Variants in STIM1 observed in about 807,000 individuals in gnomAD.
STIM1 encodes the protein stromal interaction molecule 1.
Under a neutral mutation model 74.7 loss-of-function variants are expected in STIM1, and 25 were observed. That is an observed-to-expected ratio of 0.33 (90% CI 0.24 to 0.47). The LOEUF is 0.47. Ranked by LOEUF, STIM1 falls within the 20% of genes least tolerant of loss-of-function variation. STIM1 has a pLI of 1.00. For missense variants in STIM1, 728 were observed against 920.8 expected (o/e 0.79, Z 2.71); for synonymous variants, 328 against 348.8 (o/e 0.94, Z 0.66).
chr11:4,005,232 G>A (rs188339997), intron 2 of STIM1, among the ~76,000 whole-genome samples: 3 of 152,212 alleles, frequency 2.0e-5, no homozygotes, highest in Admixed American at 1.3e-4. Context: ...CCCATTACTA[G>A]GTATACACCC....
chr11:3,905,952 G>A (rs754991474), intron 1 of STIM1, among the ~76,000 whole-genome samples: 7 of 152,196 alleles, frequency 4.6e-5, no homozygotes, highest in Non-Finnish European at 1.0e-4. Context: ...GATGAGGGAG[G>A]AGGGTCTTGG....
chr11:3,942,234 C>T (rs2093020099), intron 1 of STIM1, among the ~76,000 whole-genome samples: 1 of 152,144 alleles, frequency 6.6e-6, no homozygotes, highest in African/African-American at 2.4e-5. Context: ...TCAACCTGGT[C>T]TGTCTACTCC....
chr11:4,074,819 A>G lies in STIM1; in HGVS notation c.969+140A>G, dbSNP rs2094428297. Reference sequence around the variant, plus strand: ...GTTCTAGAGTCACTGGACTCTTACCAACAATAAGAGTTCAAGTTGTAAAAA... The same window carrying G: ...GTTCTAGAGTCACTGGACTCTTACCGACAATAAGAGTTCAAGTTGTAAAAA... On this transcript the variant is annotated intron_variant, in intron 7 of 12. Coordinates refer to ENST00000526596, the MANE Select transcript of STIM1 (RefSeq NM_001382567.1). 5 of 972,330 alleles carry G rather than the reference A, an allele frequency of 5.1e-6. No individual in the cohort carries two copies. In the Admixed American group the frequency reaches 1.3e-4, roughly 24 times the overall value. 60.2% of individuals were successfully genotyped at this position (972,330 alleles called of 1,614,324 possible).
rs1214379786 is a variant in STIM1, at chr11:3,855,912, C to G, written c.-359C>G. The stretch of plus-strand genomic sequence containing the variant: ...CTTCTCTTCTCTTCTCTTCCTCCTC[C>G]ACTTCTGTGCCCGCGGAGACTCCGG... On this transcript the variant is annotated 5_prime_UTR_variant, in exon 1 of 13. Coordinates refer to ENST00000526596, the MANE Select transcript of STIM1 (RefSeq NM_001382567.1). The G allele has an allele frequency of 1.6e-5, 5 of 316,108 alleles. No individual in the cohort carries two copies. In the East Asian group the frequency reaches 3.9e-4, roughly 25 times the overall value. The allele number at this position is 316,108 out of a possible 1,614,324, so 19.6% of individuals were successfully genotyped here. A position where few individuals can be genotyped will look rare whatever the true frequency, so the allele number is the denominator to read the frequency against.
chr11:3,999,472 T>C (rs945712705), intron 2 of STIM1: 2 of 152,238 alleles, frequency 1.3e-5, no homozygotes, highest in Non-Finnish European at 2.9e-5. Context: ...TAAAAGACCT[T>C]GAATGCCAGG....
chr11:4,042,109 T>G (rs1652540617), intron 3 of STIM1, among the ~76,000 whole-genome samples: 1 of 152,196 alleles, frequency 6.6e-6, no homozygotes, highest in Admixed American at 6.5e-5. Context: ...GATTCGGGAA[T>G]CCATTTACTA....
At chr11:3,915,137 C>A (rs941615172) in intron 1 of STIM1, among the ~76,000 whole-genome samples, 15 of 152,096 alleles carry the variant, frequency 9.9e-5, no homozygotes, top group Admixed American at 6.5e-4. Flanking sequence ...ATGAAAATTC[C>A]TTATATATTC....
intron 2 of STIM1, among the ~76,000 whole-genome samples, chr11:3,998,799 A>G (rs2093685295): frequency 6.6e-6 from 1 of 152,206 alleles, no homozygotes; most frequent in Non-Finnish European, 1.5e-5. Context: ...AAAGAGTGGG[A>G]GAAAGCATTT....
intron 1 of STIM1, among the ~76,000 whole-genome samples, chr11:3,892,074 C>A (rs1440503867): frequency 1.3e-5 from 2 of 152,238 alleles, no homozygotes; most frequent in African/African-American, 4.8e-5. Context: ...AGACAAAGAC[C>A]TTGATTTCAG....
At chr11:3,911,049 C>T (rs2092554705) in intron 1 of STIM1, among the ~76,000 whole-genome samples, 1 of 152,106 alleles carries the variant, frequency 6.6e-6, no homozygotes, top group Non-Finnish European at 1.5e-5. Context: ...CTGCTGGAGT[C>T]TGTGGGATTT....
At chr11:3,859,187 T>A (rs1380468267) in intron 1 of STIM1, among the ~76,000 whole-genome samples, 1 of 152,176 alleles carries the variant, frequency 6.6e-6, no homozygotes, top group Non-Finnish European at 1.5e-5. Flanking sequence ...TAAGATTGAT[T>A]TAGTTAAAAT....
chr11:3,988,367 A>G (rs1456846562), intron 2 of STIM1, among the ~76,000 whole-genome samples: 1 of 152,030 alleles, frequency 6.6e-6, no homozygotes, highest in Non-Finnish European at 1.5e-5. Context: ...CATAATTGAG[A>G]TTTTATTGGT....
chr11:3,938,797 A>C (rs950369999), intron 1 of STIM1, among the ~76,000 whole-genome samples: 11 of 152,158 alleles, frequency 7.2e-5, no homozygotes, highest in Non-Finnish European at 1.6e-4. Context: ...CAGTGAGCCG[A>C]GGTAGCACCA....
intron 2 of STIM1, among the ~76,000 whole-genome samples, chr11:3,977,366 T>C (rs1252986252): frequency 6.6e-6 from 1 of 152,246 alleles, no homozygotes; most frequent in Non-Finnish European, 1.5e-5. Context: ...CAAGATCTAC[T>C]TATGACTTCT....
intron 1 of STIM1, among the ~76,000 whole-genome samples, chr11:3,885,373 G>C (rs546734404): frequency 6.6e-6 from 1 of 151,986 alleles, no homozygotes; most frequent in Admixed American, 6.5e-5. Flanking sequence ...TTTTTGTAGA[G>C]ACAGGGTTTT....
chr11:3,858,793 A>G (rs1376674741), intron 1 of STIM1, among the ~76,000 whole-genome samples: 1 of 152,222 alleles, frequency 6.6e-6, no homozygotes, highest in African/African-American at 2.4e-5. Context: ...TTTTACAATT[A>G]CATAGCTGTT....
Position 4,070,098 on chromosome 11 carries a change from T to C in STIM1, c.686T>C (p.Phe229Ser). The change falls in exon 6 of 13, where the codon TTT becomes TCT. Residue 229 changes from phenylalanine to serine, a missense_variant. By Grantham distance (155) the Phe-to-Ser change is radical (BLOSUM62 -2). Around this residue, in one of 5 missense-constraint regions of STIM1, gnomAD observed 132 missense variants for 158.2 expected, o/e 0.83. Coordinates refer to ENST00000526596, the MANE Select transcript of STIM1 (RefSeq NM_001382567.1). ...SIVIGVGGCW[F>S]AYIQNRYSKE... ...GTTATTGGTGTGGGCGGCTGCTGGTTTGCCTATATCCAGAACCGTTACTCC... is the reference window on the plus strand; with the variant it reads ...GTTATTGGTGTGGGCGGCTGCTGGTCTGCCTATATCCAGAACCGTTACTCC... The C allele has an allele frequency of 6.2e-7, 1 of 1,614,194 alleles. No individual in the cohort carries two copies. Among genetic ancestry groups the C allele is most frequent in the Non-Finnish European group, 8.5e-7 (1 of 1,180,036 alleles).
At chr11:3,857,043 G>A (rs907992751) in intron 1 of STIM1, among the ~76,000 whole-genome samples, 1 of 139,210 alleles carries the variant, frequency 7.2e-6, no homozygotes, top group Non-Finnish European at 1.5e-5. Context: ...GGGACCACTT[G>A]TTGACTTATT....
intron 3 of STIM1, among the ~76,000 whole-genome samples, chr11:4,050,266 A>G (rs1175784569): frequency 6.6e-6 from 1 of 152,248 alleles, no homozygotes; most frequent in East Asian, 1.9e-4. Flanking sequence ...TACCTGAAGC[A>G]TATTAGCTGA....
Sources: allele counts gnomAD v4.1 joint callset (sites outside exome capture counted in the v4.1 genomes callset), GRCh38; gene constraint gnomAD v4.1.1; regional missense constraint gnomAD v4.1.1; transcripts MANE v1.5; gene names NCBI Gene and HGNC (gene_info 2026-07-23, HGNC 2026-07-21).